The following HLCS variants were observed in gnomAD, a reference collection of about 807,000 sequenced individuals.
The protein encoded by HLCS is holocarboxylase synthetase.
A neutral mutation model predicts 75.0 loss-of-function variants in HLCS; 53 were observed. The observed-to-expected ratio is 0.71, with a 90% CI of 0.57 to 0.89. HLCS has a LOEUF of 0.89. Ranked by LOEUF, HLCS falls within the 40% of genes least tolerant of loss-of-function variation. The pLI is 0.00. For synonymous variants in HLCS, 431 were observed against 428.6 expected, an observed-to-expected ratio of 1.01 and a Z score of -0.07; for missense variants, 966 against 1,074.0, an observed-to-expected ratio of 0.90 and a Z score of 1.41.
chr21:36,790,059 G>C (rs1001156592), intron 6 of HLCS, among the ~76,000 whole-genome samples: 3 of 152,282 alleles, frequency 2.0e-5, no homozygotes, highest in African/African-American at 7.2e-5. Flanking sequence ...TTTGAACAAG[G>C]CTTAAAAGTA....
chr21:36,770,139 T>C (rs2090179899), intron 6 of HLCS, among the ~76,000 whole-genome samples: 1 of 146,812 alleles, frequency 6.8e-6, no homozygotes, highest in African/African-American at 2.6e-5. Flanking sequence ...AAACTATAGA[T>C]GCTTTTTTTT....
intron 6 of HLCS, among the ~76,000 whole-genome samples, chr21:36,844,647 T>C (rs2835483): frequency 0.47 from 71,784 of 151,816 alleles, 19,453 homozygotes; most frequent in African/African-American, 0.75. Context: ...CGGTCAGTGA[T>C]TTATACAGAC....
intron 6 of HLCS, among the ~76,000 whole-genome samples, chr21:36,830,931 C>T (rs1294113982): frequency 6.6e-6 from 1 of 151,726 alleles, no homozygotes; most frequent in African/African-American, 2.4e-5. Context: ...AAAGCCATTC[C>T]ATTTCTTTAA....
intron 7 of HLCS, among the ~76,000 whole-genome samples, chr21:36,766,746 G>A (rs1437631686): frequency 6.6e-6 from 1 of 152,072 alleles, no homozygotes; most frequent in African/African-American, 2.4e-5. Flanking sequence ...GCTTCTCTGT[G>A]GTCACTGTGT....
At chr21:36,888,494 ATATTTATT>A (rs1164790773) in intron 6 of HLCS, among the ~76,000 whole-genome samples, 1 of 93,050 alleles carries the variant, frequency 1.1e-5, no homozygotes, top group East Asian at 3.1e-4. Flanking sequence ...ATATATATAT[ATATTTATT>A]TATTTATTTT....
chr21:36,768,852 CTT>C (rs1450085466), intron 6 of HLCS, among the ~76,000 whole-genome samples: 2 of 152,206 alleles, frequency 1.3e-5, no homozygotes, highest in African/African-American at 4.8e-5. Flanking sequence ...AAGAAGGAGT[CTT>C]TGTCTGTGCA....
chr21:36,930,044 TAAACTCTAC>T (rs1483642516), intron 5 of HLCS, among the ~76,000 whole-genome samples, 198 bp downstream of exon 5: 2 of 152,256 alleles, frequency 1.3e-5, no homozygotes, highest in Non-Finnish European at 2.9e-5. Flanking sequence ...AACACCTTTC[TAAACTCTAC>T]TAGTTGGCCC....
chr21:36,898,446 C>CAAAAAAA lies in HLCS; in HGVS notation c.1621-1322_1621-1316dup, dbSNP rs58625493. ...GGCAACAAAGAGTGAAACTCCATCTCAAAAAAAAAAAAAAAAAAAAGACAA... is the reference window on the plus strand; with the variant it reads ...GGCAACAAAGAGTGAAACTCCATCTCAAAAAAAAAAAAAAAAAAAAAAAAAAAGACAA... On this transcript the variant is annotated intron_variant, in intron 5 of 10. Coordinates refer to ENST00000674895, the MANE Select transcript of HLCS (RefSeq NM_001352514.2). Among the ~76,000 whole-genome samples the CAAAAAAA allele has an allele frequency of 6.0e-3, 297 of 49,386 alleles. 7 individuals are homozygous for CAAAAAAA. The highest frequency in any genetic ancestry group is 0.014 in the African/African-American group (161 of 11,476). The allele number at this position is 49,386 out of a possible 152,430, so 32.4% of individuals were successfully genotyped here.
chr21:36,888,445 A>ATATATAT (rs1395727837), intron 6 of HLCS, among the ~76,000 whole-genome samples: 1 of 24,102 alleles, frequency 4.1e-5, no homozygotes, highest in Non-Finnish European at 8.2e-5. Flanking sequence ...AAAAAAAAAA[A>ATATATAT]ATATATATAT....
chr21:36,807,723 G>C (rs1382429070), intron 6 of HLCS, among the ~76,000 whole-genome samples: 1 of 152,228 alleles, frequency 6.6e-6, no homozygotes, highest in South Asian at 2.1e-4. Context: ...ACCCTGTTCT[G>C]TGGATCCGGC....
At chr21:36,865,835 T>C (rs1894549893) in intron 6 of HLCS, among the ~76,000 whole-genome samples, 1 of 152,216 alleles carries the variant, frequency 6.6e-6, no homozygotes, top group Admixed American at 6.5e-5. Context: ...CAATTTCTCT[T>C]ATATCTCACA....
Position 36,752,961 on chromosome 21 carries a change from A to T in HLCS, c.*1285T>A, listed in dbSNP as rs2089424825. 6.5e-6 allele frequency: 1 copy of T among 152,684 alleles called. No individual in the cohort carries two copies. Among genetic ancestry groups the T allele is most frequent in the South Asian group, 2.1e-4 (1 of 4,836 alleles). The allele number at this position is 152,684 out of a possible 1,614,324, so 9.5% of individuals were successfully genotyped here. On this transcript the variant is annotated 3_prime_UTR_variant, in exon 11 of 11. Coordinates refer to ENST00000674895, the MANE Select transcript of HLCS (RefSeq NM_001352514.2). ...CTGGAAGAGAGAAAACTGGACAAAA[A>T]TTGGCCTTTTAAAAAGCTGAAAAGT...
chr21:36,759,231 A>G, intron 9 of HLCS: 2 of 470,856 alleles, frequency 4.2e-6, no homozygotes, highest in Non-Finnish European at 8.8e-6. Flanking sequence ...CTCTGAATCC[A>G]TCTTCTTGCC....
intron 6 of HLCS, among the ~76,000 whole-genome samples, chr21:36,771,219 C>CAAATAAAT (rs749446913): frequency 0.029 from 4,157 of 142,378 alleles, 191 homozygotes; most frequent in African/African-American, 0.1. Flanking sequence ...GACTCCGTCT[C>CAAATAAAT]AAATAAATAA....
At chr21:36,917,303 T>C (rs1458731658) in intron 5 of HLCS, among the ~76,000 whole-genome samples, 1 of 152,200 alleles carries the variant, frequency 6.6e-6, no homozygotes, top group Non-Finnish European at 1.5e-5. Context: ...CAAGCCTTCA[T>C]GCTGCCTTTG....
intron 1 of HLCS, chr21:36,974,102 A>G (rs1013791241): frequency 6.6e-6 from 1 of 152,414 alleles, no homozygotes; most frequent in African/African-American, 2.4e-5. Context: ...GAGGGCACAC[A>G]ACACAGGTCA....
Position 36,837,592 on chromosome 21 carries a change from C to A in HLCS, c.1892+59268G>T, listed in dbSNP as rs545321725. Among the ~76,000 whole-genome samples the A allele has an allele frequency of 1.1e-4, 17 of 152,200 alleles. 1 individual carries two copies. The South Asian group carries it at 3.5e-3, about 32-fold the overall frequency. The stretch of plus-strand genomic sequence containing the variant: ...ACTATTATCTATAACTCTTTAATAT[C>A]AAACTCACAAAATTAGCAGCAGGAA... On this transcript the variant is annotated intron_variant, in intron 6 of 10. Transcript: ENST00000674895.
At chr21:36,910,128 C>T (rs768551673) in intron 5 of HLCS, among the ~76,000 whole-genome samples, 4 of 152,220 alleles carry the variant, frequency 2.6e-5, no homozygotes, top group Non-Finnish European at 2.9e-5. Flanking sequence ...ATTTATATGA[C>T]GCAATCCAAT....
intron 1 of HLCS, among the ~76,000 whole-genome samples, chr21:36,965,919 T>A (rs529366695): frequency 9.9e-6 from 1 of 100,544 alleles, no homozygotes; most frequent in East Asian, 3.9e-4. Flanking sequence ...CCGACCTAAG[T>A]GTTTTTTTTG....
Sources: allele counts gnomAD v4.1 joint callset (sites outside exome capture counted in the v4.1 genomes callset), GRCh38; gene constraint gnomAD v4.1.1; transcripts MANE v1.5; gene names NCBI Gene and HGNC (gene_info 2026-07-23, HGNC 2026-07-21).